NPAS3: variants seen among roughly 807,000 people sequenced by gnomAD.
NPAS3 encodes the protein neuronal PAS domain protein 3.
NPAS3 carries 14 observed loss-of-function variants against 73.1 expected under a neutral mutation model. The ratio of observed to expected loss-of-function variants is 0.19; its 90% CI spans 0.13 to 0.30. The LOEUF (loss-of-function observed/expected upper bound fraction) is 0.30. Ranked by LOEUF, NPAS3 falls within the 10% of genes least tolerant of loss-of-function variation. NPAS3 has a pLI of 1.00. For missense variants in NPAS3, 1,096 were observed against 1,250.0 expected (o/e 0.88, Z 1.86); for synonymous variants, 620 against 541.5 (o/e 1.14, Z -2.01).
At chr14:33,308,848 T>C (rs1044797351) in intron 3 of NPAS3, among the ~76,000 whole-genome samples, 3 of 152,142 alleles carry the variant, frequency 2.0e-5, no homozygotes, top group Admixed American at 6.5e-5. Context: ...ATTGTATTAA[T>C]AGTGCTTAAG....
chr14:33,361,986 T>C (rs1362249395), intron 3 of NPAS3, among the ~76,000 whole-genome samples: 1 of 152,232 alleles, frequency 6.6e-6, no homozygotes, highest in Non-Finnish European at 1.5e-5. Context: ...GAAAAAGCAC[T>C]GTGATTATTT....
chr14:32,962,411 TAAG>T (rs147436852), intron 1 of NPAS3, among the ~76,000 whole-genome samples: 3,299 of 152,248 alleles, frequency 0.022, 123 homozygotes, highest in African/African-American at 0.075. Context: ...AATGTCTTAA[TAAG>T]AAGATACTGT....
chr14:33,134,978 T>A (rs1412013389), intron 2 of NPAS3, among the ~76,000 whole-genome samples: 6 of 152,198 alleles, frequency 3.9e-5, no homozygotes, highest in Non-Finnish European at 8.8e-5. Flanking sequence ...ATAGAGCTCT[T>A]ACTCCAAGAT....
intron 1 of NPAS3, among the ~76,000 whole-genome samples, chr14:32,958,762 A>G (rs1204584389): frequency 1.3e-5 from 2 of 152,228 alleles, no homozygotes; most frequent in Non-Finnish European, 2.9e-5. Flanking sequence ...CACATAGTAC[A>G]TGCTCAGTAT....
chr14:33,137,104 T>C (rs1383892494), intron 2 of NPAS3, among the ~76,000 whole-genome samples: 2 of 152,238 alleles, frequency 1.3e-5, no homozygotes, highest in Non-Finnish European at 2.9e-5. Flanking sequence ...TGAAGAATTA[T>C]TTGCTAGAAG....
exon 12 of NPAS3, chr14:33,801,053 C>A (rs867118705): frequency 6.3e-7 from 1 of 1,594,682 alleles, no homozygotes; most frequent in East Asian, 2.3e-5. Flanking sequence ...GCTGCCCTTC[C>A]CCGTCTACAG....
intron 6 of NPAS3, among the ~76,000 whole-genome samples, chr14:33,684,227 GTTT>G (rs5807739): frequency 1.3e-5 from 2 of 148,422 alleles, no homozygotes; most frequent in Admixed American, 1.3e-4. Context: ...TGTGCTGTGG[GTTT>G]TTTTTTTTTA....
At chr14:33,084,780 AG>A (rs2041968532) in intron 2 of NPAS3, among the ~76,000 whole-genome samples, 2 of 152,120 alleles carry the variant, frequency 1.3e-5, no homozygotes, top group South Asian at 4.2e-4. Flanking sequence ...AATGAAAAGG[AG>A]TATCAGGTAC....
upstream of NPAS3, among the ~76,000 whole-genome samples, chr14:32,938,486 T>TGACAGAGAGAGAGAGAGAGAGAGA (rs1555372900): frequency 0.017 from 950 of 55,872 alleles, 160 homozygotes; most frequent in African/African-American, 0.031. Context: ...AGAGAGAAAT[T>TGACAGAGAGAGAGAGAGAGAGAGA]GAGAGAGAGA....
At chr14:33,090,008 T>G (rs564231633) in intron 2 of NPAS3, among the ~76,000 whole-genome samples, 1 of 152,076 alleles carries the variant, frequency 6.6e-6, no homozygotes, top group East Asian at 1.9e-4. Context: ...GCACTAAACA[T>G]GGAAAGGAAC....
At chr14:33,771,235 GA>G (rs1016084297) in intron 7 of NPAS3, among the ~76,000 whole-genome samples, 1 of 152,040 alleles carries the variant, frequency 6.6e-6, no homozygotes, top group Non-Finnish European at 1.5e-5. Context: ...AATGAATTTG[GA>G]AAAAAATATG....
At chr14:33,359,127 G>C (rs1228891106) in intron 3 of NPAS3, among the ~76,000 whole-genome samples, 1 of 152,202 alleles carries the variant, frequency 6.6e-6, no homozygotes. Flanking sequence ...GACAGTGAGA[G>C]AGAGAGAGGA....
chr14:32,957,528 C>T (rs961532159), intron 1 of NPAS3, among the ~76,000 whole-genome samples: 5 of 151,916 alleles, frequency 3.3e-5, no homozygotes, highest in South Asian at 2.1e-4. Flanking sequence ...CCCACCACCA[C>T]GCCCGGCTAA....
intron 2 of NPAS3, among the ~76,000 whole-genome samples, chr14:33,097,973 G>A (rs943913328): frequency 3.3e-5 from 5 of 151,520 alleles, no homozygotes. Context: ...TCATTTAATT[G>A]TATCTGTAGA....
chr14:33,248,206 CTTTGTA>C (rs1234788801), intron 3 of NPAS3, among the ~76,000 whole-genome samples: 1 of 152,172 alleles, frequency 6.6e-6, no homozygotes, highest in Non-Finnish European at 1.5e-5. Flanking sequence ...GGCAACATAA[CTTTGTA>C]TCAGCTGCAG....
intron 1 of NPAS3, among the ~76,000 whole-genome samples, chr14:32,953,963 A>G (rs1246772650): frequency 6.6e-6 from 1 of 152,208 alleles, no homozygotes; most frequent in Non-Finnish European, 1.5e-5. Flanking sequence ...TTTGTCTGCA[A>G]GATGTGCAGA....
intron 3 of NPAS3, among the ~76,000 whole-genome samples, chr14:33,310,790 TACACACACAC>T (rs57506320): frequency 0.12 from 16,793 of 142,146 alleles, 1,107 homozygotes; most frequent in African/African-American, 0.2. Context: ...AAATGTATGG[TACACACACAC>T]ACACACACAC....
At chr14:33,329,161 A>G (rs1279405065) in intron 3 of NPAS3, among the ~76,000 whole-genome samples, 3 of 152,172 alleles carry the variant, frequency 2.0e-5, no homozygotes, top group Admixed American at 2.0e-4. Flanking sequence ...CAGAGCAGAT[A>G]GTTGTTGAGC....
intron 7 of NPAS3, among the ~76,000 whole-genome samples, chr14:33,745,006 T>C (rs948182043): frequency 6.6e-6 from 1 of 152,078 alleles, no homozygotes; most frequent in Non-Finnish European, 1.5e-5. Flanking sequence ...TTTGGGAGGC[T>C]GAGGCAAGAG....
Sources: allele counts gnomAD v4.1 joint callset (sites outside exome capture counted in the v4.1 genomes callset), GRCh38; gene constraint gnomAD v4.1.1; transcripts MANE v1.5; gene names NCBI Gene and HGNC (gene_info 2026-07-23, HGNC 2026-07-21).